Variants in TMCC1 observed in about 807,000 individuals in gnomAD.
TMCC1 encodes transmembrane and coiled-coil domains protein 1.
A neutral mutation model predicts 52.4 loss-of-function variants in TMCC1; 15 were observed. The observed-to-expected ratio is 0.29, with a 90% CI of 0.19 to 0.44. The LOEUF (loss-of-function observed/expected upper bound fraction) is 0.44. Among genes scored for constraint, TMCC1 ranks in the 20% least tolerant of loss-of-function variants. The probability of loss-of-function intolerance (pLI) is 1.00; values close to 1 mark genes in which losing one functional copy is unlikely to be tolerated. For synonymous variants in TMCC1, 279 were observed against 301.9 expected (o/e 0.92, Z 0.79); for missense variants, 503 against 806.0 (o/e 0.62, Z 4.55).
chr3:129,735,520 G>A (rs1011502924), intron 4 of TMCC1, among the ~76,000 whole-genome samples: 9 of 151,934 alleles, frequency 5.9e-5, no homozygotes, highest in South Asian at 2.1e-4. Flanking sequence ...GTTGTGGCAC[G>A]CACCTGTAGT....
chr3:129,852,543 A>G (rs1029878628), intron 2 of TMCC1, among the ~76,000 whole-genome samples: 1 of 152,040 alleles, frequency 6.6e-6, no homozygotes, highest in Non-Finnish European at 1.5e-5. Context: ...TTGAGGACAG[A>G]CATAAAATAA....
chr3:129,749,607 T>C (rs1242668471), intron 4 of TMCC1, among the ~76,000 whole-genome samples: 2 of 152,192 alleles, frequency 1.3e-5, no homozygotes, highest in Admixed American at 1.3e-4. Context: ...AAAAGGAATT[T>C]TGGTTAATTC....
At chr3:129,831,034 AG>A (rs1345358376) in intron 3 of TMCC1, among the ~76,000 whole-genome samples, 3 of 152,172 alleles carry the variant, frequency 2.0e-5, no homozygotes, top group Admixed American at 1.3e-4. Context: ...TCCTGGGTTC[AG>A]GCAATTCTCC....
intron 4 of TMCC1, among the ~76,000 whole-genome samples, chr3:129,765,544 T>C (rs1250393888): frequency 6.6e-6 from 1 of 152,162 alleles, no homozygotes; most frequent in Non-Finnish European, 1.5e-5. Flanking sequence ...TTATAAATTA[T>C]GTATAAAAGG....
intron 4 of TMCC1, among the ~76,000 whole-genome samples, chr3:129,810,787 C>T (rs971538783): frequency 6.6e-6 from 1 of 152,172 alleles, no homozygotes; most frequent in Non-Finnish European, 1.5e-5. Flanking sequence ...TAAATTGTTT[C>T]CTTCAGGTGT....
chr3:129,816,428 T>C (rs58053192), intron 4 of TMCC1, among the ~76,000 whole-genome samples: 2,364 of 152,274 alleles, frequency 0.016, 48 homozygotes, highest in African/African-American at 0.055. Flanking sequence ...ATCCTTTCAT[T>C]TGCAGCAACA....
chr3:129,817,562 G>C (rs989958838), intron 4 of TMCC1, among the ~76,000 whole-genome samples: 2 of 152,280 alleles, frequency 1.3e-5, no homozygotes, highest in Non-Finnish European at 2.9e-5. Flanking sequence ...TTGCTAACAA[G>C]AATTTCTTCC....
intron 2 of TMCC1, among the ~76,000 whole-genome samples, chr3:129,835,531 T>G (rs1473646488): frequency 6.6e-6 from 1 of 152,116 alleles, no homozygotes; most frequent in African/African-American, 2.4e-5. Context: ...GAGGTTTCTA[T>G]AAAGAACAAA....
In TMCC1 at chr3:129,651,958, T is replaced by C. The variant is rs796701489; in HGVS notation, c.1648-163A>G. The stretch of plus-strand genomic sequence containing the variant: ...AAAAGGCTAGATGTATAACTCACTA[T>C]TCAAGTGATTATTATTCCCCCAAAT... On this transcript the variant is annotated intron_variant, in intron 6 of 6. Coordinates refer to ENST00000393238, the MANE Select transcript of TMCC1 (RefSeq NM_001017395.5). This position sits in a 1 kb window ranked among gnomAD's most constrained non-coding sequence, Gnocchi z 5.1. Among the ~76,000 whole-genome samples the C allele has an allele frequency of 1.3e-5, 2 of 152,402 alleles. No individual in the cohort carries two copies. Among genetic ancestry groups the C allele is most frequent in the African/African-American group, 4.8e-5 (2 of 41,604 alleles).
intron 2 of TMCC1, among the ~76,000 whole-genome samples, chr3:129,861,222 T>C (rs949666281): frequency 1.3e-5 from 2 of 151,994 alleles, no homozygotes; most frequent in African/African-American, 4.8e-5. Context: ...GGGCGGATCA[T>C]GAGGTCAGGA....
chr3:129,822,629 T>G (rs990936350), intron 4 of TMCC1, among the ~76,000 whole-genome samples: 6 of 152,200 alleles, frequency 3.9e-5, no homozygotes, highest in African/African-American at 1.4e-4. Context: ...TCTCTGGCAT[T>G]CTTCAATTCT....
rs75496636 is a variant in TMCC1 at position 129,878,741 on chromosome 3, A to G, written c.-184+1568T>C. ...CTGAAGTCCTACAAAGACCAGCAGCAGCAGCAGCACCTGGGAGCTTATTAG... is the reference window on the plus strand; with the variant it reads ...CTGAAGTCCTACAAAGACCAGCAGCGGCAGCAGCACCTGGGAGCTTATTAG... On this transcript the variant is annotated intron_variant, in intron 2 of 6. Transcript: ENST00000393238. Among the ~76,000 whole-genome samples the G allele has an allele frequency of 1.1e-3, 169 of 152,364 alleles. 1 individual carries two copies. The East Asian group carries it at 0.027, about 25-fold the overall frequency.
chr3:129,871,804 C>T (rs564911315), intron 2 of TMCC1, among the ~76,000 whole-genome samples: 2 of 152,224 alleles, frequency 1.3e-5, no homozygotes, highest in African/African-American at 4.8e-5. Context: ...CAAAGTCTAA[C>T]ATGGACAGCC....
intron 4 of TMCC1, among the ~76,000 whole-genome samples, chr3:129,681,235 C>A (rs1259527168): frequency 6.6e-6 from 1 of 152,030 alleles, no homozygotes; most frequent in Non-Finnish European, 1.5e-5. Context: ...GGTATTTTTG[C>A]TGCACTTCAA....
chr3:129,759,034 G>A (rs992886639), intron 4 of TMCC1, among the ~76,000 whole-genome samples: 43 of 152,040 alleles, frequency 2.8e-4, no homozygotes, highest in African/African-American at 8.5e-4. Flanking sequence ...TTGTATGTAC[G>A]GACCACATTT....
intron 4 of TMCC1, among the ~76,000 whole-genome samples, chr3:129,746,174 AT>A (rs200903482): frequency 4.7e-5 from 7 of 149,400 alleles, no homozygotes; most frequent in African/African-American, 7.4e-5. Context: ...AACTGGTTTA[AT>A]TTTTTTTTTC....
At chr3:129,864,249 T>G (rs1406436764) in intron 2 of TMCC1, among the ~76,000 whole-genome samples, 1 of 152,192 alleles carries the variant, frequency 6.6e-6, no homozygotes, top group Non-Finnish European at 1.5e-5. Flanking sequence ...AAAGTTGGAC[T>G]AGGTCTGAGC....
chr3:129,785,933 C>CG (rs1553869831), intron 4 of TMCC1, among the ~76,000 whole-genome samples: 1 of 127,642 alleles, frequency 7.8e-6, no homozygotes, highest in Non-Finnish European at 1.6e-5. Context: ...CCCTCACCCC[C>CG]TTTTTTTTTT....
chr3:129,853,463 A>G (rs2060005704), intron 2 of TMCC1, among the ~76,000 whole-genome samples: 1 of 151,648 alleles, frequency 6.6e-6, no homozygotes, highest in Admixed American at 6.6e-5. Context: ...CCTCCACAAA[A>G]AAATAAACTT....
Sources: gnomAD v4.1 joint callset for allele counts (sites outside exome capture counted in the v4.1 genomes callset) on GRCh38, gnomAD v4.1.1 for gene constraint, Gnocchi (gnomAD v3.1) non-coding constraint, MANE v1.5 for transcripts, NCBI Gene and HGNC (gene_info 2026-07-23, HGNC 2026-07-21) for gene names.